NBEA: variants seen among roughly 807,000 people sequenced by gnomAD.
The protein encoded by NBEA is neurobeachin.
Under a neutral mutation model 343.4 loss-of-function variants are expected in NBEA, and 44 were observed. The observed-to-expected ratio is 0.13, with a 90% CI of 0.10 to 0.16. The LOEUF is 0.16. NBEA is among the 10% of genes least tolerant of loss of function. NBEA has a pLI of 1.00. For synonymous variants in NBEA, 1,175 were observed against 1,238.7 expected (o/e 0.95, Z 1.08); for missense variants, 2,555 against 3,631.3 (o/e 0.70, Z 7.62).
intron 10 of NBEA, among the ~76,000 whole-genome samples, chr13:35,087,141 C>G (rs56146387): frequency 0.018 from 2,775 of 151,678 alleles, 39 homozygotes; most frequent in Middle Eastern, 0.034. Flanking sequence ...TGTGTAGAAG[C>G]TTTTTAGTTT....
chr13:35,211,708 G>A (rs1396423413), intron 33 of NBEA, among the ~76,000 whole-genome samples: 1 of 151,874 alleles, frequency 6.6e-6, no homozygotes, highest in Non-Finnish European at 1.5e-5. Flanking sequence ...CCAGCCACTC[G>A]GGAGGGAGGC....
intron 1 of NBEA, among the ~76,000 whole-genome samples, chr13:34,947,208 T>C (rs1034080041): frequency 6.6e-6 from 1 of 152,124 alleles, no homozygotes; most frequent in Non-Finnish European, 1.5e-5. Context: ...TTAAGGAGTT[T>C]TGAGATTTTC....
intron 41 of NBEA, among the ~76,000 whole-genome samples, chr13:35,479,796 G>A (rs142949921): frequency 6.6e-6 from 1 of 152,116 alleles, no homozygotes; most frequent in Non-Finnish European, 1.5e-5. Flanking sequence ...GAATAAAATT[G>A]TGTGTGTGTC....
chr13:35,443,188 A>C (rs1294739112), intron 39 of NBEA, among the ~76,000 whole-genome samples: 1 of 152,040 alleles, frequency 6.6e-6, no homozygotes, highest in Non-Finnish European at 1.5e-5. Flanking sequence ...AGCTTTTCAA[A>C]ACACAGCCTA....
chr13:35,664,337 CG>C (rs1287330673), intron 55 of NBEA, among the ~76,000 whole-genome samples: 2 of 152,024 alleles, frequency 1.3e-5, no homozygotes, highest in African/African-American at 2.4e-5. Flanking sequence ...GATAGGGGAT[CG>C]GGGGTGGTTA....
At chr13:35,089,722 A>G (rs1180480534) in intron 10 of NBEA, among the ~76,000 whole-genome samples, 1 of 143,786 alleles carries the variant, frequency 7.0e-6, no homozygotes, top group African/African-American at 2.6e-5. Flanking sequence ...ATGGAATACT[A>G]TGCAGCCATA....
chr13:35,083,687 G>T (rs569550321), intron 10 of NBEA, among the ~76,000 whole-genome samples: 3 of 152,242 alleles, frequency 2.0e-5, no homozygotes, highest in Admixed American at 1.3e-4. Context: ...AGGCTAGGAA[G>T]AAACTGCATC....
At chr13:35,284,436 T>C (rs2035281374) in intron 34 of NBEA, among the ~76,000 whole-genome samples, 1 of 152,100 alleles carries the variant, frequency 6.6e-6, no homozygotes, top group South Asian at 2.1e-4. Context: ...AAATAAACTT[T>C]TTTAGTCAAA....
At chr13:35,182,722 T>A (rs1379369837) in intron 29 of NBEA, among the ~76,000 whole-genome samples, 194 bp downstream of exon 29, 8 of 151,870 alleles carry the variant, frequency 5.3e-5, no homozygotes, top group African/African-American at 1.9e-4. Context: ...GTTGCTACAT[T>A]CTCATTTTAT....
chr13:35,262,972 T>A (rs1431418054), intron 34 of NBEA, among the ~76,000 whole-genome samples: 1 of 152,036 alleles, frequency 6.6e-6, no homozygotes, highest in African/African-American at 2.4e-5. Flanking sequence ...GAAAAATCAA[T>A]CCTAAAATTC....
chr13:35,398,564 G>T (rs2152904921), intron 38 of NBEA, among the ~76,000 whole-genome samples: 1 of 152,198 alleles, frequency 6.6e-6, no homozygotes, highest in Non-Finnish European at 1.5e-5. Context: ...TCATCTCCTT[G>T]TACATCTCCA....
rs999013772 is a variant in NBEA, at chr13:34,943,252, G to C, written c.294+138G>C. 4.2e-6 allele frequency: 5 copies of C among 1,187,238 alleles called. No homozygotes were observed. In the African/African-American group the frequency reaches 7.7e-5, roughly 18 times the overall value. 73.5% of individuals were successfully genotyped at this position (1,187,238 alleles called of 1,614,324 possible). A position where few individuals can be genotyped will look rare whatever the true frequency, so the allele number is the denominator to read the frequency against. On this transcript the variant is annotated intron_variant, in intron 1 of 58. Coordinates refer to ENST00000379939, the MANE Select transcript of NBEA (RefSeq NM_001385012.1). The stretch of plus-strand genomic sequence containing the variant: ...GAGCGCAGAGCGTTCAGCCGGTATT[G>C]CCCAGCGGGTGACCTGCCTGCGCGC...
intron 35 of NBEA, among the ~76,000 whole-genome samples, chr13:35,308,474 GTA>G (rs1174970072): frequency 0.01 from 685 of 65,716 alleles, 13 homozygotes; most frequent in Non-Finnish European, 0.016. Context: ...ATATATATAT[GTA>G]TATATATATG....
intron 38 of NBEA, among the ~76,000 whole-genome samples, chr13:35,389,887 G>A (rs781662504): frequency 6.6e-6 from 1 of 150,524 alleles, no homozygotes; most frequent in Non-Finnish European, 1.5e-5. Flanking sequence ...CCTCACTTTA[G>A]TAGTTTTTGT....
chr13:34,993,553 A>G (rs184523636), intron 1 of NBEA, among the ~76,000 whole-genome samples: 17 of 152,344 alleles, frequency 1.1e-4, no homozygotes, highest in African/African-American at 4.1e-4. Flanking sequence ...ACTGCCAAAG[A>G]TTAGTGTGGA....
chr13:35,169,866 G>T (rs996195928), intron 25 of NBEA, among the ~76,000 whole-genome samples: 2 of 151,668 alleles, frequency 1.3e-5, no homozygotes, highest in Non-Finnish European at 3.0e-5. Context: ...AAGAAGTAAA[G>T]AATCTGCATT....
At chr13:35,318,893 G>GA (rs2037936730) in intron 36 of NBEA, among the ~76,000 whole-genome samples, 1 of 152,104 alleles carries the variant, frequency 6.6e-6, no homozygotes, top group African/African-American at 2.4e-5. Flanking sequence ...TTTGCATAGA[G>GA]GTGTTTATAG....
At chr13:35,164,995 G>C (rs2069877223) in intron 24 of NBEA, 1 of 474,620 alleles carries the variant, frequency 2.1e-6, no homozygotes, top group African/African-American at 2.0e-5. Flanking sequence ...TATTTTAGTT[G>C]TCATTAAAAA....
chr13:35,054,275 T>C (rs2063166168), intron 6 of NBEA, among the ~76,000 whole-genome samples: 1 of 152,170 alleles, frequency 6.6e-6, no homozygotes, highest in African/African-American at 2.4e-5. Context: ...AGGTAATATA[T>C]GCAAACTTTA....
Sources: gnomAD v4.1 joint callset for allele counts (sites outside exome capture counted in the v4.1 genomes callset) on GRCh38, gnomAD v4.1.1 for gene constraint, MANE v1.5 for transcripts, NCBI Gene and HGNC (gene_info 2026-07-23, HGNC 2026-07-21) for gene names.